ADAMTS13: variants seen among roughly 807,000 people sequenced by gnomAD.
ADAMTS13 encodes the protein A disintegrin and metalloproteinase with thrombospondin motifs 13.
In ADAMTS13, 110 loss-of-function variants were observed where a neutral mutation model predicts 155.1. The ratio of observed to expected loss-of-function variants is 0.71; its 90% CI spans 0.61 to 0.83. The LOEUF is 0.83. ADAMTS13 is among the 40% of genes least tolerant of loss of function. The pLI is 0.00. For synonymous variants in ADAMTS13, 758 were observed against 756.4 expected (o/e 1.00, Z -0.03); for missense variants, 1,707 against 1,891.7 (o/e 0.90, Z 1.81).
In ADAMTS13 at chr9:133,428,661, C is replaced by T. The variant is rs1019291907; in HGVS notation, c.714C>T (p.Pro238=). 4 of 1,356,146 alleles carry T rather than the reference C, an allele frequency of 2.9e-6. No homozygotes were observed. The highest frequency in any genetic ancestry group is 3.0e-5 in the African/African-American group (2 of 65,646). The allele number at this position is 1,356,146 out of a possible 1,614,324, so 84.0% of individuals were successfully genotyped here. A position where few individuals can be genotyped will look rare whatever the true frequency, so the allele number is the denominator to read the frequency against. ...TCGGCCTGGAGCACGACGGCGCGCC[C>T]GGCAGCGGCTGCGGCCCCAGCGGAC... ...HSFGLEHDGA[P]GSGCGPSGHV... The change falls in exon 7 of 29, where the codon CCC becomes CCT. Residue 238 remains proline (P), a synonymous_variant. Transcript: ENST00000355699.
Position 133,425,571 on chromosome 9 carries a change from C to T in ADAMTS13, c.373C>T (p.Arg125Trp), listed in dbSNP as rs587701622. ...GGACCCGTCCCTGGGGGCTCAGTTT[C>T]GGGTGCACCTGGTGAAGATGGTCAT... ...LRDPSLGAQF[R>W]VHLVKMVILT... The change falls in exon 4 of 29, where the codon CGG becomes TGG. Residue 125 changes from arginine (R) to tryptophan (W), a missense_variant. Physicochemically the swap from Arg to Trp is moderately radical, Grantham distance 101. Coordinates refer to ENST00000355699, the MANE Select transcript of ADAMTS13 (RefSeq NM_139027.6). The surrounding 1 kb of genome is among the most constrained non-coding windows in gnomAD (Gnocchi z 4.6). 1.4e-5 allele frequency: 23 copies of T among 1,613,612 alleles called. No individual in the cohort carries two copies. Among genetic ancestry groups the T allele is most frequent in the Admixed American group, 5.0e-5 (3 of 59,990 alleles).
In ADAMTS13 at chr9:133,425,448, G is replaced by A. The variant is rs1229809594; in HGVS notation, c.331-81G>A. On this transcript the variant is annotated intron_variant, in intron 3 of 28. Transcript: ENST00000355699. The surrounding 1 kb of genome is among the most constrained non-coding windows in gnomAD (Gnocchi z 4.6). ...TAGCCTCTCCAGCTCTTCACACTCC[G>A]GGGGCCCCTGGGAGTCAGCAGCTGC... The A allele has an allele frequency of 1.9e-5, 25 of 1,313,486 alleles. No individual in the cohort carries two copies. Among genetic ancestry groups the A allele is most frequent in the East Asian group, 1.7e-4 (7 of 40,244 alleles). 81.4% of individuals were successfully genotyped at this position (1,313,486 alleles called of 1,614,324 possible). A position where few individuals can be genotyped will look rare whatever the true frequency, so the allele number is the denominator to read the frequency against.
intron 1 of ADAMTS13, among the ~76,000 whole-genome samples, chr9:133,416,305 T>C (rs1554781550): frequency 6.6e-6 from 1 of 152,210 alleles, no homozygotes; most frequent in African/African-American, 2.4e-5. Flanking sequence ...ATGAGGGATC[T>C]ACCCCCATGA....
intron 11 of ADAMTS13, among the ~76,000 whole-genome samples, chr9:133,434,382 T>C (rs1841021399): frequency 6.6e-6 from 1 of 152,194 alleles, no homozygotes; most frequent in African/African-American, 2.4e-5. Context: ...CTCAGCTCAC[T>C]GCAACCTCTG....
chr9:133,427,499 G>A (rs1840361094), intron 6 of ADAMTS13, among the ~76,000 whole-genome samples: 1 of 152,144 alleles, frequency 6.6e-6, no homozygotes, highest in Non-Finnish European at 1.5e-5. Context: ...TTGAGGCAGG[G>A]TTCCTGGGTG....
chr9:133,433,431 A>G lies in ADAMTS13; in HGVS notation c.1146A>G (p.Ala382=). Residue 382 remains alanine, a synonymous_variant, in exon 10 of 29, where the codon GCA becomes GCG. Transcript: ENST00000355699. ...TGGTGGAGCTGACCCCCATAGCAGCAGTGCATGGGCGCTGGTCTAGCTGGG... is the reference window on the plus strand; with the variant it reads ...TGGTGGAGCTGACCCCCATAGCAGCGGTGCATGGGCGCTGGTCTAGCTGGG... ...RSLVELTPIA[A]VHGRWSSWGP... 2 of 1,613,384 alleles carry G rather than the reference A, an allele frequency of 1.2e-6. No homozygotes were observed. The highest frequency in any genetic ancestry group is 2.2e-5 in the South Asian group (2 of 91,076).
At chr9:133,447,447 A>G (rs1268843149) in intron 21 of ADAMTS13, among the ~76,000 whole-genome samples, 1 of 152,046 alleles carries the variant, frequency 6.6e-6, no homozygotes, top group Admixed American at 6.6e-5. Flanking sequence ...TAATTTTTGT[A>G]GTTTTGGCAG....
At chr9:133,437,951 A>T (rs1482952664) in intron 13 of ADAMTS13, 54 bp downstream of exon 13, 2 of 1,610,362 alleles carry the variant, frequency 1.2e-6, no homozygotes, top group East Asian at 4.5e-5. Context: ...TCCTATCGGA[A>T]GGCTCCTGGG....
upstream of ADAMTS13, among the ~76,000 whole-genome samples, chr9:133,418,964 C>G (rs587678252): frequency 2.6e-5 from 4 of 152,274 alleles, no homozygotes; most frequent in African/African-American, 9.6e-5. Flanking sequence ...CCTCAGCCTC[C>G]TGAGTAGCTG....
chr9:133,448,880 C>G, intron 22 of ADAMTS13, 152 bp downstream of exon 22: 1 of 1,315,434 alleles, frequency 7.6e-7, no homozygotes, highest in Non-Finnish European at 1.0e-6. Context: ...ATCCCCCTGC[C>G]TCACTCCAAG....
chr9:133,450,721 GC>G (rs1417392549), intron 23 of ADAMTS13, among the ~76,000 whole-genome samples: 3 of 152,216 alleles, frequency 2.0e-5, no homozygotes, highest in African/African-American at 7.2e-5. Flanking sequence ...TGGCACTCCA[GC>G]CTGGGCTACA....
chr9:133,430,693 CTAT>C lies in ADAMTS13; in HGVS notation c.987+594_987+596del, dbSNP rs781894208. ...CTATAAATACAAGTCTTTTTTTTTC[CTAT>C]TTTTTTTTTTTTTTGAGACAGAGTC... On this transcript the variant is annotated intron_variant, in intron 8 of 28. Coordinates refer to ENST00000355699, the MANE Select transcript of ADAMTS13 (RefSeq NM_139027.6). Among the ~76,000 whole-genome samples the C allele has an allele frequency of 4.9e-3, 681 of 139,690 alleles. 10 individuals carry two copies. The highest frequency in any genetic ancestry group is 7.4e-3 in the Non-Finnish European group (481 of 64,904). The allele number at this position is 139,690 out of a possible 152,430, so 91.6% of individuals were successfully genotyped here. A position where few individuals can be genotyped will look rare whatever the true frequency, so the allele number is the denominator to read the frequency against.
chr9:133,433,028 TG>T (rs1840887923), intron 9 of ADAMTS13, among the ~76,000 whole-genome samples: 1 of 146,012 alleles, frequency 6.8e-6, no homozygotes, highest in Non-Finnish European at 1.5e-5. Flanking sequence ...AGAGTCCCTG[TG>T]GGTGGGGTCC....
Position 133,432,714 on chromosome 9 carries a change from G to C in ADAMTS13, c.1092+22G>C, listed in dbSNP as rs201800619. ...GAAGGTCAGAGCCAAGAGTGAATGA[G>C]TGGGCTCCTGTGAGCACGTGCACGT... On this transcript the variant is annotated intron_variant, in intron 9 of 28. Transcript: ENST00000355699. 10 of 1,548,540 alleles carry C rather than the reference G, an allele frequency of 6.5e-6. No individual in the cohort carries two copies. In the East Asian group the frequency reaches 2.2e-4, roughly 34 times the overall value.
intron 6 of ADAMTS13, among the ~76,000 whole-genome samples, chr9:133,427,322 G>A (rs36219252): frequency 0.03 from 4,540 of 152,282 alleles, 203 homozygotes; most frequent in South Asian, 0.051. Flanking sequence ...TTTACCTAGA[G>A]TGATGGGTTT....
chr9:133,442,903 T>C (rs1841784519), intron 18 of ADAMTS13, among the ~76,000 whole-genome samples, 160 bp downstream of exon 18: 1 of 152,206 alleles, frequency 6.6e-6, no homozygotes, highest in Non-Finnish European at 1.5e-5. Context: ...CAAGGGGGGC[T>C]CTGTGAGTGC....
At chr9:133,435,678 C>G (rs587658773) in intron 11 of ADAMTS13, among the ~76,000 whole-genome samples, 1 of 150,352 alleles carries the variant, frequency 6.7e-6, no homozygotes, top group Non-Finnish European at 1.5e-5. Context: ...TACAGACGCC[C>G]GCCACCACGC....
rs1564432256 is a variant in ADAMTS13 at position 133,445,074 on chromosome 9, GTGGCTGGGGCTGTTGAGTCCTTTACC to G, written c.2610+31_2610+56del. ...CCATGTGAGTGCCCTGGGCATGAGG[GTGGCTGGGGCTGTTGAGTCCTTTACC>G]TGGCTGGGAGAACGAGGAGCACCCA... On this transcript the variant is annotated intron_variant, in intron 20 of 28. Coordinates refer to ENST00000355699, the MANE Select transcript of ADAMTS13 (RefSeq NM_139027.6). The surrounding 1 kb of genome is among the most constrained non-coding windows in gnomAD (Gnocchi z 5.0). 6.2e-7 allele frequency: 1 copy of G among 1,609,316 alleles called. No homozygotes were observed. Among genetic ancestry groups the G allele is most frequent in the Non-Finnish European group, 8.5e-7 (1 of 1,178,930 alleles).
chr9:133,441,853 T>C lies in ADAMTS13; in HGVS notation c.1969-546T>C, dbSNP rs979316776. ...AGCACTTTCTGTGCTGGCCCTGCCCTAGCCCTTCTTGGGCTCCTTAGCCCA... is the reference window on the plus strand; with the variant it reads ...AGCACTTTCTGTGCTGGCCCTGCCCCAGCCCTTCTTGGGCTCCTTAGCCCA... On this transcript the variant is annotated intron_variant, in intron 16 of 28. Coordinates refer to ENST00000355699, the MANE Select transcript of ADAMTS13 (RefSeq NM_139027.6). This position sits in a 1 kb window ranked among gnomAD's most constrained non-coding sequence, Gnocchi z 5.0. Among the ~76,000 whole-genome samples, 3 of 152,240 alleles carry C rather than the reference T, an allele frequency of 2.0e-5. No homozygotes were observed. Among genetic ancestry groups the C allele is most frequent in the African/African-American group, 7.2e-5 (3 of 41,466 alleles).
Sources: allele counts gnomAD v4.1 joint callset (sites outside exome capture counted in the v4.1 genomes callset), GRCh38; gene constraint gnomAD v4.1.1; non-coding constraint Gnocchi (gnomAD v3.1); transcripts MANE v1.5; gene names NCBI Gene and HGNC (gene_info 2026-07-23, HGNC 2026-07-21).